The following ADGRL3 variants were observed in gnomAD, a reference collection of about 807,000 sequenced individuals.
The protein encoded by ADGRL3 is adhesion G protein-coupled receptor L3.
ADGRL3 carries 62 observed loss-of-function variants against 153.5 expected under a neutral mutation model. That is an observed-to-expected ratio of 0.40 (90% confidence interval 0.33 to 0.50). The LOEUF is 0.50. Among genes scored for constraint, ADGRL3 ranks in the 20% least tolerant of loss-of-function variants. The pLI is 0.47. For missense variants in ADGRL3, 1,641 were observed against 1,859.4 expected, an observed-to-expected ratio of 0.88 and a Z score of 2.16; for synonymous variants, 710 against 672.5, an observed-to-expected ratio of 1.06 and a Z score of -0.86.
intron 2 of ADGRL3, among the ~76,000 whole-genome samples, chr4:61,429,677 AT>A (rs1169833064): frequency 6.6e-6 from 1 of 152,138 alleles, no homozygotes; most frequent in Non-Finnish European, 1.5e-5. Context: ...TTTTGTAGGC[AT>A]TGTGATTTAA....
chr4:61,856,557 GTCTC>G lies in ADGRL3; in HGVS notation c.1481-36089_1481-36086del, dbSNP rs1242580337. Among the ~76,000 whole-genome samples the G allele has an allele frequency of 5.5e-3, 441 of 79,468 alleles. 4 individuals are homozygous for G. Among genetic ancestry groups the G allele is most frequent in the African/African-American group, 0.02 (410 of 20,052 alleles). 52.1% of individuals were successfully genotyped at this position (79,468 alleles called of 152,430 possible). On this transcript the variant is annotated intron_variant, in intron 9 of 26. Coordinates refer to ENST00000683033, the MANE Select transcript of ADGRL3 (RefSeq NM_001387552.1). Reference sequence around the variant, plus strand: ...TTTTCCTCCCTCCCTCTCTCTCTCTGTCTCTCTCTCTCTTTCTCTCTCTCTTTTT... The same window carrying G: ...TTTTCCTCCCTCCCTCTCTCTCTCTGTCTCTCTCTTTCTCTCTCTCTTTTT...
chr4:61,722,071 C>G (rs990291661), intron 6 of ADGRL3, among the ~76,000 whole-genome samples: 5 of 151,934 alleles, frequency 3.3e-5, no homozygotes, highest in Non-Finnish European at 5.9e-5. Flanking sequence ...AAAATGAAGC[C>G]AGCTAATTCA....
chr4:61,848,669 A>G (rs900905000), intron 9 of ADGRL3, among the ~76,000 whole-genome samples: 5 of 152,118 alleles, frequency 3.3e-5, no homozygotes, highest in African/African-American at 4.8e-5. Flanking sequence ...TTTATCCAAG[A>G]GACTATTGTC....
chr4:61,755,064 T>G lies in ADGRL3; in HGVS notation c.1399+21510T>G, dbSNP rs565738507. 3.9e-4 allele frequency among the ~76,000 whole-genome samples: 60 copies of G among 152,320 alleles called. No homozygotes were observed. The South Asian group carries it at 0.012, about 30-fold the overall frequency. ...TCCAAGTCTTTGCTATTGTGAATAGTGCTGCAATAAACATATGTGTGCATG... is the reference window on the plus strand; with the variant it reads ...TCCAAGTCTTTGCTATTGTGAATAGGGCTGCAATAAACATATGTGTGCATG... On this transcript the variant is annotated intron_variant, in intron 8 of 26. Coordinates refer to ENST00000683033, the MANE Select transcript of ADGRL3 (RefSeq NM_001387552.1).
chr4:61,480,479 T>G (rs1157217533), intron 2 of ADGRL3, among the ~76,000 whole-genome samples: 1 of 151,962 alleles, frequency 6.6e-6, no homozygotes, highest in Non-Finnish European at 1.5e-5. Flanking sequence ...CAAAAAAAAA[T>G]TAAATAACAG....
intron 5 of ADGRL3, among the ~76,000 whole-genome samples, chr4:61,644,429 C>T (rs1037648123): frequency 2.6e-5 from 4 of 152,044 alleles, no homozygotes; most frequent in East Asian, 1.9e-4. Flanking sequence ...GGGCATTTAG[C>T]GCTATAAATT....
At position 61,730,178 on chromosome 4, in the gene ADGRL3, G is replaced by A. The variant is rs78857251; in HGVS notation, c.584-444G>A. Among the ~76,000 whole-genome samples, 713 of 151,922 alleles carry A rather than the reference G, an allele frequency of 4.7e-3. 7 individuals carry two copies. Among genetic ancestry groups the A allele is most frequent in the African/African-American group, 0.013 (549 of 41,506 alleles). On this transcript the variant is annotated intron_variant, in intron 6 of 26. Transcript: ENST00000683033. ...GTAGTTCCTTCTGAACAAATTCTTT[G>A]AAATGCATAGAAAGCACAACTATTA...
intron 1 of ADGRL3, among the ~76,000 whole-genome samples, chr4:61,358,453 C>T (rs1394533586): frequency 5.9e-5 from 9 of 151,890 alleles, no homozygotes; most frequent in African/African-American, 1.9e-4. Context: ...AAAAATTAGC[C>T]GGGCGTGGTG....
chr4:61,951,014 T>C (rs921499332), intron 17 of ADGRL3, among the ~76,000 whole-genome samples: 1 of 152,182 alleles, frequency 6.6e-6, no homozygotes, highest in Non-Finnish European at 1.5e-5. Flanking sequence ...ACTGAAGAAC[T>C]TATTAGAACT....
chr4:61,514,179 A>G (rs2098478839), intron 3 of ADGRL3, among the ~76,000 whole-genome samples: 1 of 152,170 alleles, frequency 6.6e-6, no homozygotes, highest in Non-Finnish European at 1.5e-5. Context: ...CAGGGCATAG[A>G]TACCACCTTC....
At chr4:61,533,970 A>C (rs899906908) in intron 4 of ADGRL3, among the ~76,000 whole-genome samples, 5 of 152,020 alleles carry the variant, frequency 3.3e-5, no homozygotes, top group African/African-American at 7.2e-5. Flanking sequence ...TGGTGACACA[A>C]TTTTGATTTT....
intron 9 of ADGRL3, among the ~76,000 whole-genome samples, chr4:61,849,164 G>A (rs1018710128): frequency 6.6e-6 from 1 of 152,010 alleles, no homozygotes; most frequent in African/African-American, 2.4e-5. Flanking sequence ...TCTCCACTTT[G>A]TCTAAGTTCT....
intron 2 of ADGRL3, chr4:61,427,119 C>T (rs545404206): frequency 6.6e-6 from 1 of 152,106 alleles, no homozygotes; most frequent in African/African-American, 2.4e-5. Flanking sequence ...CGAAAGCACT[C>T]AGGGGTGCAG....
chr4:61,606,753 G>T (rs1184003565), intron 5 of ADGRL3, among the ~76,000 whole-genome samples: 1 of 152,104 alleles, frequency 6.6e-6, no homozygotes, highest in Non-Finnish European at 1.5e-5. Context: ...TTTAAGTGAG[G>T]AAGCAAAATA....
chr4:61,381,486 A>G (rs2151901101), intron 1 of ADGRL3, among the ~76,000 whole-genome samples: 1 of 152,068 alleles, frequency 6.6e-6, no homozygotes, highest in East Asian at 1.9e-4. Flanking sequence ...TCAACAAAAT[A>G]GAGAAATGTA....
At chr4:61,972,405 T>G (rs1420578334) in intron 17 of ADGRL3, among the ~76,000 whole-genome samples, 1 of 152,196 alleles carries the variant, frequency 6.6e-6, no homozygotes, top group Admixed American at 6.5e-5. Context: ...CACCATTTAT[T>G]AAATAGGGAA....
intron 6 of ADGRL3, among the ~76,000 whole-genome samples, chr4:61,681,629 G>T (rs188214515): frequency 2.2e-3 from 329 of 152,088 alleles, no homozygotes; most frequent in Non-Finnish European, 1.5e-3. Context: ...ATTATTGGAA[G>T]ATTGGTATTT....
chr4:61,736,801 C>G (rs73823221), intron 8 of ADGRL3, among the ~76,000 whole-genome samples: 14,430 of 152,232 alleles, frequency 0.095, 1,269 homozygotes, highest in African/African-American at 0.23. Flanking sequence ...AAGACTTTGT[C>G]TGTTTTACAA....
Position 61,709,601 on chromosome 4 carries a change from A to G in ADGRL3, c.584-21021A>G, listed in dbSNP as rs75342796. On this transcript the variant is annotated intron_variant, in intron 6 of 26. Transcript: ENST00000683033. ...TTATATATAATTCACTCACTGTTAC[A>G]TAGGCAAGCATTGATAGAACTGGCT... 5.2e-3 allele frequency among the ~76,000 whole-genome samples: 788 copies of G among 152,298 alleles called. 2 individuals carry two copies. The highest frequency in any genetic ancestry group is 0.018 in the African/African-American group (750 of 41,566).
Sources: allele counts gnomAD v4.1 joint callset (sites outside exome capture counted in the v4.1 genomes callset), GRCh38; gene constraint gnomAD v4.1.1; transcripts MANE v1.5; gene names NCBI Gene and HGNC (gene_info 2026-07-23, HGNC 2026-07-21).